The following LRP1B variants were observed in gnomAD, a reference collection of about 807,000 sequenced individuals.
LRP1B encodes the protein LDL receptor related protein 1B, also known as low-density lipoprotein receptor-related protein 1B.
In LRP1B, 217 loss-of-function variants were observed where a neutral mutation model predicts 556.6. The observed-to-expected ratio is 0.39, with a 90% CI of 0.35 to 0.44. The LOEUF is 0.44. LRP1B is among the 20% of genes least tolerant of loss of function. The pLI is 1.00. For synonymous variants in LRP1B, 2,047 were observed against 1,865.8 expected (o/e 1.10, Z -2.50); for missense variants, 5,053 against 5,620.8 (o/e 0.90, Z 3.23).
chr2:140,277,963 T>G (rs182504878), intron 84 of LRP1B, among the ~76,000 whole-genome samples: 1 of 151,942 alleles, frequency 6.6e-6, no homozygotes, highest in Admixed American at 6.6e-5. Flanking sequence ...AGCCCAAATT[T>G]TAAGAAATCC....
chr2:141,306,011 T>C (rs189771942), intron 3 of LRP1B, among the ~76,000 whole-genome samples: 39 of 152,310 alleles, frequency 2.6e-4, no homozygotes, highest in African/African-American at 8.9e-4. Context: ...TAGAGGAATT[T>C]TGTGTCTATG....
chr2:141,162,990 A>G (rs970844084), intron 7 of LRP1B, among the ~76,000 whole-genome samples: 2 of 152,076 alleles, frequency 1.3e-5, no homozygotes, highest in African/African-American at 4.8e-5. Context: ...TTCTCAACCA[A>G]TGGAGGAAAG....
At chr2:141,237,100 A>G (rs1351608919) in intron 5 of LRP1B, among the ~76,000 whole-genome samples, 3 of 152,222 alleles carry the variant, frequency 2.0e-5, no homozygotes, top group Non-Finnish European at 4.4e-5. Context: ...AATCTTAAGT[A>G]GAAATGGGTT....
intron 2 of LRP1B, among the ~76,000 whole-genome samples, chr2:141,623,290 G>C (rs979722128): frequency 1.3e-5 from 2 of 152,110 alleles, no homozygotes; most frequent in African/African-American, 4.8e-5. Flanking sequence ...AAATTGCAGA[G>C]TTTTGCCATT....
At chr2:141,544,337 C>CTTCTTCTTCTTCTTCTTCTTCTT (rs1685433830) in intron 2 of LRP1B, among the ~76,000 whole-genome samples, 40 of 67,224 alleles carry the variant, frequency 6.0e-4, no homozygotes, top group African/African-American at 1.9e-3. Flanking sequence ...TCTTCTTCTT[C>CTTCTTCTTCTTCTTCTTCTTCTT]TTCTTCTTCT....
At chr2:140,348,932 A>G (rs935348905) in intron 77 of LRP1B, among the ~76,000 whole-genome samples, 9 of 152,094 alleles carry the variant, frequency 5.9e-5, no homozygotes, top group Non-Finnish European at 1.3e-4. Context: ...TTTACTTATG[A>G]ATAGAGTGTG....
At chr2:141,144,675 G>A (rs190056839) in intron 7 of LRP1B, among the ~76,000 whole-genome samples, 1 of 152,182 alleles carries the variant, frequency 6.6e-6, no homozygotes, top group East Asian at 1.9e-4. Flanking sequence ...GATGGAACAG[G>A]CCCTATAAAA....
Position 141,202,846 on chromosome 2 carries a change from A to G in LRP1B, c.851-14263T>C, listed in dbSNP as rs1399899810. On this transcript the variant is annotated intron_variant, in intron 6 of 90. Transcript: ENST00000389484. ...CTGCACCCATCAACCCGTCACCTAC[A>G]TCAGGTATTTTTCCTAACGTTATTG... 6.8e-4 allele frequency among the ~76,000 whole-genome samples: 103 copies of G among 152,046 alleles called. 2 individuals are homozygous for G. The highest frequency in any genetic ancestry group is 1.2e-4 in the Non-Finnish European group (8 of 68,010).
chr2:140,837,588 C>T (rs1452969248), intron 31 of LRP1B, among the ~76,000 whole-genome samples: 1 of 146,180 alleles, frequency 6.8e-6, no homozygotes, highest in African/African-American at 2.6e-5. Context: ...AATGTTCAAT[C>T]ATCATCCTTA....
At chr2:140,872,752 C>G (rs946811695) in intron 25 of LRP1B, among the ~76,000 whole-genome samples, 1 of 151,962 alleles carries the variant, frequency 6.6e-6, no homozygotes, top group African/African-American at 2.4e-5. Context: ...TTGATTTTCA[C>G]CTTAGTTGTT....
chr2:141,417,527 T>C (rs1162175541), intron 3 of LRP1B, among the ~76,000 whole-genome samples: 2 of 152,304 alleles, frequency 1.3e-5, no homozygotes, highest in Non-Finnish European at 2.9e-5. Flanking sequence ...TAGCATAACA[T>C]CCTTTAGGTG....
intron 51 of LRP1B, among the ~76,000 whole-genome samples, chr2:140,512,447 CA>C (rs1438533599): frequency 6.6e-6 from 1 of 152,118 alleles, no homozygotes; most frequent in Admixed American, 6.5e-5. Flanking sequence ...AGAAGAAAGA[CA>C]AGTTGATAAA....
rs565757146 is a variant in LRP1B, at chr2:140,690,434, A to T, written c.6799+9816T>A. Among the ~76,000 whole-genome samples the T allele has an allele frequency of 5.3e-5, 8 of 152,120 alleles. No individual in the cohort carries two copies. The East Asian group carries it at 1.5e-3, about 29-fold the overall frequency. ...CCTTGTACATGCAAAGATTAACATCAAAGAAAATTCATATGCTTTTTCTCT... is the reference window on the plus strand; with the variant it reads ...CCTTGTACATGCAAAGATTAACATCTAAGAAAATTCATATGCTTTTTCTCT... On this transcript the variant is annotated intron_variant, in intron 41 of 90. Transcript: ENST00000389484.
chr2:141,396,250 T>C (rs1690233794), intron 3 of LRP1B, among the ~76,000 whole-genome samples: 1 of 152,208 alleles, frequency 6.6e-6, no homozygotes. Context: ...ACAAAATTTA[T>C]ACAATCGATC....
chr2:141,056,272 A>T (rs1241164525), intron 9 of LRP1B, among the ~76,000 whole-genome samples: 1 of 151,796 alleles, frequency 6.6e-6, no homozygotes, highest in Non-Finnish European at 1.5e-5. Context: ...ACTAATCAAC[A>T]ACTCTCCACT....
At chr2:141,260,666 C>A (rs2105350625) in intron 3 of LRP1B, among the ~76,000 whole-genome samples, 1 of 152,242 alleles carries the variant, frequency 6.6e-6, no homozygotes, top group African/African-American at 2.4e-5. Flanking sequence ...GCCTTTGTGA[C>A]CTATAGTCAA....
chr2:140,887,856 G>A (rs1693684788), intron 23 of LRP1B, among the ~76,000 whole-genome samples: 1 of 152,098 alleles, frequency 6.6e-6, no homozygotes, highest in Non-Finnish European at 1.5e-5. Flanking sequence ...AATCTTTAGT[G>A]GTAGAAAATA....
intron 2 of LRP1B, among the ~76,000 whole-genome samples, chr2:141,643,900 A>C (rs951063182): frequency 1.3e-5 from 2 of 152,098 alleles, no homozygotes; most frequent in African/African-American, 4.8e-5. Flanking sequence ...GCGACCTTAT[A>C]GGGCTGCTGC....
intron 2 of LRP1B, among the ~76,000 whole-genome samples, chr2:141,546,441 C>T (rs1574067213): frequency 6.6e-6 from 1 of 152,152 alleles, no homozygotes; most frequent in East Asian, 1.9e-4. Context: ...TTTCTACTTA[C>T]CTGCTCTAGC....
Sources: allele counts gnomAD v4.1 joint callset (sites outside exome capture counted in the v4.1 genomes callset), GRCh38; gene constraint gnomAD v4.1.1; transcripts MANE v1.5; gene names NCBI Gene and HGNC (gene_info 2026-07-23, HGNC 2026-07-21).